Variants in RIOK2 observed in about 807,000 individuals in gnomAD.
The protein encoded by RIOK2 is serine/threonine-protein kinase RIO2.
Under a neutral mutation model 62.4 loss-of-function variants are expected in RIOK2, and 46 were observed. That is an observed-to-expected ratio of 0.74 (90% CI 0.58 to 0.94). RIOK2 has a LOEUF of 0.94. RIOK2 is among the 40% of genes least tolerant of loss of function. The pLI is 0.00. For missense variants in RIOK2, 574 were observed against 658.0 expected (o/e 0.87, Z 1.40); for synonymous variants, 197 against 216.0 (o/e 0.91, Z 0.77).
At chr5:97,170,658 G>A (rs903132197) in intron 6 of RIOK2, among the ~76,000 whole-genome samples, 19 of 152,130 alleles carry the variant, frequency 1.2e-4, no homozygotes, top group Non-Finnish European at 2.5e-4. Flanking sequence ...ACTTTTGAAC[G>A]TCTGTCAATT....
At chr5:97,180,027 A>AATATATATATATAATATATTAT (rs1301977696) in intron 1 of RIOK2, among the ~76,000 whole-genome samples, 1 of 63,460 alleles carries the variant, frequency 1.6e-5, no homozygotes, top group East Asian at 4.0e-4. Context: ...ATATATATAT[A>AATATATATATATAATATATTAT]ATATATATAT....
intron 4 of RIOK2, among the ~76,000 whole-genome samples, chr5:97,174,906 C>G (rs1304789664): frequency 6.6e-6 from 1 of 151,930 alleles, no homozygotes; most frequent in Non-Finnish European, 1.5e-5. Context: ...GGTCCTGTCT[C>G]TACAAAGCAG....
intron 7 of RIOK2, 128 bp from the exon 8 acceptor site, chr5:97,168,119 C>T: frequency 4.2e-6 from 4 of 951,432 alleles, no homozygotes; most frequent in Non-Finnish European, 4.4e-6. Context: ...AATAAATTTT[C>T]CTTCCCTAAA....
At position 97,176,557 on chromosome 5, in the gene RIOK2, G is replaced by C. The variant is rs552132114; in HGVS notation, c.498+559C>G. ...GGGTTTCACCTTGTTGGTCAGGCTG[G>C]GCTCCTTACCTCAAGTAATCCGCCC... On this transcript the variant is annotated intron_variant, in intron 4 of 9. Coordinates refer to ENST00000283109, the MANE Select transcript of RIOK2 (RefSeq NM_018343.3). Among the ~76,000 whole-genome samples, 2 of 152,112 alleles carry C rather than the reference G, an allele frequency of 1.3e-5. 1 individual carries two copies. The highest frequency in any genetic ancestry group is 4.1e-4 in the South Asian group (2 of 4,822).
At chr5:97,178,977 C>T in intron 2 of RIOK2, 78 bp downstream of exon 2, 1 of 1,553,498 alleles carries the variant, frequency 6.4e-7, no homozygotes, top group Non-Finnish European at 8.9e-7. Flanking sequence ...GCAACTTCTA[C>T]TTCTTGACTT....
At chr5:97,180,986 A>G (rs1749391910) in intron 1 of RIOK2, among the ~76,000 whole-genome samples, 2 of 151,944 alleles carry the variant, frequency 1.3e-5, no homozygotes, top group South Asian at 4.2e-4. Flanking sequence ...TTAAAGGAAA[A>G]CTGGAGGCCA....
chr5:97,163,180 T>G lies in RIOK2; in HGVS notation c.1540A>C (p.Lys514Gln). Residue 514 changes from lysine (K) to glutamine (Q), a missense_variant, in exon 10 of 10, where the codon AAA becomes CAA. By Grantham distance (53) the Lys-to-Gln change is moderately conservative. Transcript: ENST00000283109. The part of the protein sequence containing the change: ...KVKRQLTKQQ[K>Q]SAVRRRLQKG... ...TGCAATCGACGTCTGACAGCTGATTTTTGCTGTTTTGTCAACTGACGTTTC... is the reference window on the plus strand; with the variant it reads ...TGCAATCGACGTCTGACAGCTGATTGTTGCTGTTTTGTCAACTGACGTTTC... The G allele has an allele frequency of 6.2e-7, 1 of 1,613,738 alleles. No homozygotes were observed. The highest frequency in any genetic ancestry group is 1.3e-5 in the African/African-American group (1 of 75,046).
intron 1 of RIOK2, among the ~76,000 whole-genome samples, chr5:97,181,391 G>T (rs1240760561): frequency 6.6e-6 from 1 of 152,124 alleles, no homozygotes; most frequent in Non-Finnish European, 1.5e-5. Context: ...TTGAAGATGT[G>T]AAGTGGATGC....
At chr5:97,165,224 T>A (rs1157435757) in intron 8 of RIOK2, 77 bp from the exon 9 acceptor site, 19 of 684,068 alleles carry the variant, frequency 2.8e-5, no homozygotes, top group African/African-American at 3.7e-5. Flanking sequence ...TTTATATTAT[T>A]TTTTGCATGC....
Position 97,177,059 on chromosome 5 carries a change from T to C in RIOK2, c.498+57A>G, listed in dbSNP as rs1561520248. On this transcript the variant is annotated intron_variant, in intron 4 of 9. Transcript: ENST00000283109. The stretch of plus-strand genomic sequence containing the variant: ...AGAATCACACTTGTCATTAAGGCCT[T>C]TGAGACACATGTATTATTTGGCTAA... The C allele has an allele frequency of 7.6e-6, 11 of 1,456,218 alleles. No individual in the cohort carries two copies. In the African/African-American group the frequency reaches 8.4e-5, roughly 11 times the overall value. 90.2% of individuals were successfully genotyped at this position (1,456,218 alleles called of 1,614,324 possible). A position where few individuals can be genotyped will look rare whatever the true frequency, so the allele number is the denominator to read the frequency against.
At chr5:97,169,256 C>T (rs1302363892) in intron 6 of RIOK2, among the ~76,000 whole-genome samples, 1 of 152,032 alleles carries the variant, frequency 6.6e-6, no homozygotes, top group Non-Finnish European at 1.5e-5. Flanking sequence ...TCACTAGAAC[C>T]CCTAGCCAAC....
intron 4 of RIOK2, chr5:97,175,997 C>T (rs1421228009): frequency 1.3e-5 from 2 of 151,982 alleles, no homozygotes; most frequent in Non-Finnish European, 2.9e-5. Context: ...AATATGCAGT[C>T]AAGTTCCAAT....
chr5:97,168,893 T>C, intron 6 of RIOK2, 41 bp from the exon 7 acceptor site: 1 of 1,203,924 alleles, frequency 8.3e-7, no homozygotes, highest in South Asian at 1.5e-5. Context: ...TCTTTATTGC[T>C]CCTCTTTTTC....
chr5:97,164,502 A>G (rs1311198517), intron 9 of RIOK2, among the ~76,000 whole-genome samples: 2 of 151,766 alleles, frequency 1.3e-5, no homozygotes, highest in Non-Finnish European at 2.9e-5. Flanking sequence ...GGATGACAAG[A>G]GCAAAACTCC....
chr5:97,177,998 T>C lies in RIOK2; in HGVS notation c.206-150A>G, dbSNP rs1355044025. 5.2e-6 allele frequency: 3 copies of C among 573,696 alleles called. No individual in the cohort carries two copies. In the African/African-American group the frequency reaches 5.6e-5, roughly 11 times the overall value. The allele number at this position is 573,696 out of a possible 1,614,324, so 35.5% of individuals were successfully genotyped here. Reference sequence around the variant, plus strand: ...CTCACAAGCTTCCAATTTCTTCCTATAATTTGCATTTCTTCTCCAGTGTAC... The same window carrying C: ...CTCACAAGCTTCCAATTTCTTCCTACAATTTGCATTTCTTCTCCAGTGTAC... On this transcript the variant is annotated intron_variant, in intron 2 of 9. Coordinates refer to ENST00000283109, the MANE Select transcript of RIOK2 (RefSeq NM_018343.3).
chr5:97,177,396 C>G, intron 3 of RIOK2, 105 bp from the exon 4 acceptor site: 1 of 1,131,828 alleles, frequency 8.8e-7, no homozygotes, highest in Non-Finnish European at 1.2e-6. Flanking sequence ...TGTCATTTTT[C>G]CTAATAAAGA....
chr5:97,163,445 C>T (rs909452050), intron 9 of RIOK2, among the ~76,000 whole-genome samples: 8 of 152,006 alleles, frequency 5.3e-5, no homozygotes, highest in African/African-American at 1.9e-4. Flanking sequence ...TAAAAAATTA[C>T]CATAGTGCCA....
chr5:97,171,167 A>C (rs779213182), intron 6 of RIOK2, 39 bp downstream of exon 6: 2 of 1,299,514 alleles, frequency 1.5e-6, no homozygotes, highest in Admixed American at 2.9e-5. Context: ...CTCCAAAAAA[A>C]TAAAATAAAA....
chr5:97,180,162 G>A (rs1183306339), intron 1 of RIOK2, among the ~76,000 whole-genome samples: 14 of 66,042 alleles, frequency 2.1e-4, no homozygotes, highest in South Asian at 4.7e-4. Context: ...ATATATATAT[G>A]TGCTTTTTAC....
Sources: allele counts gnomAD v4.1 joint callset (sites outside exome capture counted in the v4.1 genomes callset), GRCh38; gene constraint gnomAD v4.1.1; transcripts MANE v1.5; gene names NCBI Gene and HGNC (gene_info 2026-07-23, HGNC 2026-07-21).